GTF2F2: variants seen among roughly 807,000 people sequenced by gnomAD.
GTF2F2 encodes general transcription factor IIF subunit 2, also known as ATP-dependent helicase GTF2F2.
A neutral mutation model predicts 42.2 loss-of-function variants in GTF2F2; 23 were observed. The observed-to-expected ratio is 0.55, with a 90% CI of 0.39 to 0.77. GTF2F2 has a LOEUF of 0.77. Ranked by LOEUF, GTF2F2 falls within the 30% of genes least tolerant of loss-of-function variation. The probability of loss-of-function intolerance (pLI) is 0.00; values close to 1 mark genes in which losing one functional copy is unlikely to be tolerated. For missense variants in GTF2F2, 261 were observed against 287.2 expected, an observed-to-expected ratio of 0.91 and a Z score of 0.66; for synonymous variants, 105 against 100.8, an observed-to-expected ratio of 1.04 and a Z score of -0.25.
chr13:45,258,611 G>A (rs780704407), intron 6 of GTF2F2, among the ~76,000 whole-genome samples: 2 of 152,132 alleles, frequency 1.3e-5, no homozygotes, highest in Admixed American at 6.5e-5. Context: ...AAGCTATCAC[G>A]GTGTTCAATG....
At chr13:45,215,539 C>A (rs1254494324) in intron 5 of GTF2F2, among the ~76,000 whole-genome samples, 1 of 152,056 alleles carries the variant, frequency 6.6e-6, no homozygotes, top group Non-Finnish European at 1.5e-5. Flanking sequence ...GCGAGTGGAT[C>A]ACCTAAGGTC....
rs1157684912 is a variant in GTF2F2 at position 45,254,184 on chromosome 13, G to T, written c.486+1214G>T. On this transcript the variant is annotated intron_variant, in intron 6 of 7. Transcript: ENST00000340473. ...ACTGTTATTACAGTATATTGTTAGG[G>T]TTATTCTATTTTATTATGGGTTATT... Among the ~76,000 whole-genome samples, 61 of 151,980 alleles carry T rather than the reference G, an allele frequency of 4.0e-4. 1 individual carries two copies. Among genetic ancestry groups the T allele is most frequent in the Admixed American group, 4.0e-3 (61 of 15,250 alleles).
chr13:45,186,162 A>G (rs1437817393), intron 4 of GTF2F2, among the ~76,000 whole-genome samples: 1 of 150,844 alleles, frequency 6.6e-6, no homozygotes, highest in East Asian at 2.0e-4. Context: ...TTTAGTAGAG[A>G]TGGGGTTTTG....
intron 4 of GTF2F2, among the ~76,000 whole-genome samples, chr13:45,173,098 T>C (rs1478108424): frequency 6.6e-6 from 1 of 152,156 alleles, no homozygotes; most frequent in African/African-American, 2.4e-5. Context: ...CATTACAAAA[T>C]ATGCAATGTA....
At chr13:45,227,614 T>C (rs370165730) in intron 5 of GTF2F2, among the ~76,000 whole-genome samples, 2 of 152,364 alleles carry the variant, frequency 1.3e-5, no homozygotes, top group East Asian at 3.9e-4. Flanking sequence ...TTTGCTTTCA[T>C]TGAAGAATTC....
At chr13:45,255,679 A>G (rs1342349113) in intron 6 of GTF2F2, among the ~76,000 whole-genome samples, 1 of 152,176 alleles carries the variant, frequency 6.6e-6, no homozygotes, top group Non-Finnish European at 1.5e-5. Context: ...GTGTAAATAG[A>G]GATTCTATTC....
intron 4 of GTF2F2, among the ~76,000 whole-genome samples, chr13:45,174,225 G>A (rs759839171): frequency 6.6e-6 from 1 of 152,182 alleles, no homozygotes; most frequent in Non-Finnish European, 1.5e-5. Flanking sequence ...ATGCCCAAGA[G>A]TGCATTTGCT....
At chr13:45,275,104 G>T (rs946722826) in intron 7 of GTF2F2, among the ~76,000 whole-genome samples, 7 of 152,028 alleles carry the variant, frequency 4.6e-5, no homozygotes, top group Non-Finnish European at 1.0e-4. Context: ...TGTCTCTGTA[G>T]ATTTTCTCTG....
intron 5 of GTF2F2, among the ~76,000 whole-genome samples, chr13:45,223,011 CTA>C (rs1874179440): frequency 1.3e-5 from 2 of 152,052 alleles, no homozygotes; most frequent in Admixed American, 1.3e-4. Flanking sequence ...GTGCAGTATT[CTA>C]TCAGTTATTT....
intron 1 of GTF2F2, among the ~76,000 whole-genome samples, chr13:45,133,410 A>G (rs1319201796): frequency 2.0e-5 from 3 of 152,202 alleles, no homozygotes; most frequent in African/African-American, 7.2e-5. Flanking sequence ...AGTCTTGATA[A>G]TGCTATCTAT....
chr13:45,238,150 T>C (rs1875086599), intron 5 of GTF2F2, among the ~76,000 whole-genome samples: 2 of 152,174 alleles, frequency 1.3e-5, no homozygotes, highest in Non-Finnish European at 2.9e-5. Context: ...AGAAGAGGTT[T>C]CACCATGTTG....
At chr13:45,258,687 G>A (rs899087418) in intron 6 of GTF2F2, among the ~76,000 whole-genome samples, 1 of 152,178 alleles carries the variant, frequency 6.6e-6, no homozygotes, top group African/African-American at 2.4e-5. Context: ...AAACGAAAAC[G>A]TATTTTGTAG....
At chr13:45,279,208 C>T (rs572006253) in intron 7 of GTF2F2, among the ~76,000 whole-genome samples, 2 of 152,218 alleles carry the variant, frequency 1.3e-5, no homozygotes, top group African/African-American at 4.8e-5. Flanking sequence ...TACCATTCCA[C>T]CTGGCACATT....
At chr13:45,135,509 C>T (rs112910582) in intron 1 of GTF2F2, among the ~76,000 whole-genome samples, 2 of 151,262 alleles carry the variant, frequency 1.3e-5, no homozygotes, top group African/African-American at 4.9e-5. Context: ...CTGCCCGCCT[C>T]GGCCTTCCAA....
intron 2 of GTF2F2, among the ~76,000 whole-genome samples, chr13:45,147,102 C>T (rs546004463): frequency 6.6e-5 from 10 of 152,142 alleles, no homozygotes; most frequent in African/African-American, 2.4e-4. Context: ...TGAAATTGTC[C>T]TCTCCTCCTG....
chr13:45,238,945 GAAAA>G (rs201402405), intron 5 of GTF2F2, among the ~76,000 whole-genome samples: 2 of 101,674 alleles, frequency 2.0e-5, no homozygotes, highest in African/African-American at 3.2e-5. Context: ...ATTCCATCTC[GAAAA>G]AAAAAAAAAA....
chr13:45,224,372 A>G (rs1024133535), intron 5 of GTF2F2, among the ~76,000 whole-genome samples: 11 of 152,172 alleles, frequency 7.2e-5, no homozygotes, highest in Non-Finnish European at 1.2e-4. Context: ...GTGTGTGTAA[A>G]AGAAGACTGA....
At chr13:45,203,830 A>T (rs1312557764) in intron 4 of GTF2F2, among the ~76,000 whole-genome samples, 1 of 152,120 alleles carries the variant, frequency 6.6e-6, no homozygotes, top group African/African-American at 2.4e-5. Context: ...AGTTAAGTAG[A>T]GGTGTATCAA....
chr13:45,194,167 T>A (rs1321361952), intron 4 of GTF2F2: 1 of 1,614,162 alleles, frequency 6.2e-7, no homozygotes, highest in Non-Finnish European at 8.5e-7. Flanking sequence ...GGGTGTTAGC[T>A]GTTCTTTCTC....
Sources: allele counts gnomAD v4.1 joint callset (sites outside exome capture counted in the v4.1 genomes callset), GRCh38; gene constraint gnomAD v4.1.1; transcripts MANE v1.5; gene names NCBI Gene and HGNC (gene_info 2026-07-23, HGNC 2026-07-21).